Variants in SULF1 observed in about 807,000 individuals in gnomAD.
The protein encoded by SULF1 is extracellular sulfatase Sulf-1.
Under a neutral mutation model 110.5 loss-of-function variants are expected in SULF1, and 46 were observed. The ratio of observed to expected loss-of-function variants is 0.42; its 90% confidence interval spans 0.33 to 0.53. The LOEUF (loss-of-function observed/expected upper bound fraction) is 0.53, where lower values mean the gene tolerates loss of function less well. SULF1 is among the 20% of genes least tolerant of loss of function. SULF1 has a pLI of 0.12. For missense variants in SULF1, 941 were observed against 1,094.2 expected, an observed-to-expected ratio of 0.86 and a Z score of 1.98; for synonymous variants, 371 against 387.1, an observed-to-expected ratio of 0.96 and a Z score of 0.49.
intron 5 of SULF1, among the ~76,000 whole-genome samples, chr8:69,572,686 C>T (rs761316850): frequency 1.3e-4 from 20 of 152,154 alleles, no homozygotes; most frequent in African/African-American, 4.3e-4. Flanking sequence ...AATTCTCAGG[C>T]CCCATCCTGG....
Position 69,586,317 on chromosome 8 carries a change from C to G in SULF1, c.413-40C>G, listed in dbSNP as rs74515192. 2.6e-3 allele frequency: 3,979 copies of G among 1,523,358 alleles called. 77 individuals are homozygous for G. The African/African-American group carries it at 0.05, about 19-fold the overall frequency. 94.4% of individuals were successfully genotyped at this position (1,523,358 alleles called of 1,614,324 possible). On this transcript the variant is annotated intron_variant, in intron 6 of 22. Transcript: ENST00000402687. Reference sequence around the variant, plus strand: ...ACTTATCCATTTATTTATGATTAATCATTTTACGTGAAAAAAATAATTCTT... The same window carrying G: ...ACTTATCCATTTATTTATGATTAATGATTTTACGTGAAAAAAATAATTCTT...
chr8:69,648,150 A>C (rs939339972), intron 22 of SULF1, among the ~76,000 whole-genome samples: 1 of 151,318 alleles, frequency 6.6e-6, no homozygotes, highest in South Asian at 2.1e-4. Context: ...AAAAAAAAAA[A>C]AAACAAAGAG....
chr8:69,605,094 G>A lies in SULF1; in HGVS notation c.1377+162G>A, dbSNP rs557925733. ...GACACCTCTCCGCGGACAGAATTAC[G>A]TAACTGGTTCAGGCTGGGCCTCCCC... On this transcript the variant is annotated intron_variant, in intron 13 of 22. Transcript: ENST00000402687. Among the ~76,000 whole-genome samples the A allele has an allele frequency of 7.9e-5, 12 of 152,318 alleles. No homozygotes were observed. The South Asian group carries it at 8.3e-4, about 11-fold the overall frequency.
intron 3 of SULF1, among the ~76,000 whole-genome samples, chr8:69,526,611 A>AG (rs1554570777): frequency 0.016 from 2,229 of 135,984 alleles, 58 homozygotes; most frequent in African/African-American, 0.064. Flanking sequence ...AAAAAAAAAA[A>AG]AAAGAAAGAA....
chr8:69,478,135 A>T (rs1460350595), intron 1 of SULF1, among the ~76,000 whole-genome samples: 1 of 152,170 alleles, frequency 6.6e-6, no homozygotes, highest in East Asian at 1.9e-4. Context: ...TTACAGGTGC[A>T]AGCCACTGTA....
At chr8:69,586,865 A>T (rs1806504582) in intron 7 of SULF1, among the ~76,000 whole-genome samples, 2 of 152,202 alleles carry the variant, frequency 1.3e-5, no homozygotes, top group Admixed American at 1.3e-4. Context: ...TTTACTTTTC[A>T]CTGGGACAAA....
intron 6 of SULF1, among the ~76,000 whole-genome samples, chr8:69,577,787 C>T (rs957507332): frequency 2.6e-5 from 4 of 152,156 alleles, no homozygotes; most frequent in African/African-American, 9.7e-5. Flanking sequence ...AACCGAGACT[C>T]AGAAAGGCTA....
chr8:69,544,558 C>G (rs891208773), intron 3 of SULF1, among the ~76,000 whole-genome samples: 1 of 152,206 alleles, frequency 6.6e-6, no homozygotes, highest in African/African-American at 2.4e-5. Context: ...TGAGCCACCA[C>G]ACCTGGCCCA....
At chr8:69,533,514 T>C (rs988437731) in intron 3 of SULF1, among the ~76,000 whole-genome samples, 8 of 152,322 alleles carry the variant, frequency 5.3e-5, no homozygotes, top group African/African-American at 1.9e-4. Flanking sequence ...TTTGGTTTTC[T>C]GTTCCTGCAT....
At chr8:69,582,008 G>T (rs772468461) in intron 6 of SULF1, among the ~76,000 whole-genome samples, 6 of 152,106 alleles carry the variant, frequency 3.9e-5, no homozygotes, top group South Asian at 2.1e-4. Flanking sequence ...AAATAACAAG[G>T]ACTATTAAAA....
chr8:69,571,458 T>C (rs138931076), intron 5 of SULF1, among the ~76,000 whole-genome samples: 16 of 152,210 alleles, frequency 1.1e-4, no homozygotes, highest in Admixed American at 3.9e-4. Context: ...TCCCACATGT[T>C]CAAGTCTAGG....
Position 69,564,197 on chromosome 8 carries a change from C to A in SULF1, c.172+50C>A, listed in dbSNP as rs752829573. Reference sequence around the variant, plus strand: ...TTAGTCTCTTTTGTTCAGATGATTTCTCGAGTCTCAGGATTATCAGGAGAC... The same window carrying A: ...TTAGTCTCTTTTGTTCAGATGATTTATCGAGTCTCAGGATTATCAGGAGAC... On this transcript the variant is annotated intron_variant, in intron 5 of 22. Coordinates refer to ENST00000402687, the MANE Select transcript of SULF1 (RefSeq NM_001128205.2). The A allele has an allele frequency of 3.1e-6, 5 of 1,597,914 alleles. No individual in the cohort carries two copies. The Admixed American group carries it at 8.4e-5, about 27-fold the overall frequency.
chr8:69,655,137 G>A (rs115508160), intron 22 of SULF1, among the ~76,000 whole-genome samples: 7 of 152,328 alleles, frequency 4.6e-5, no homozygotes, highest in African/African-American at 1.7e-4. Flanking sequence ...CGGGGCTACT[G>A]GCATTGGTTG....
intron 6 of SULF1, among the ~76,000 whole-genome samples, chr8:69,585,716 G>A (rs769465744): frequency 2.0e-5 from 3 of 152,052 alleles, no homozygotes; most frequent in Admixed American, 2.0e-4. Context: ...ACTCTATGTT[G>A]ACAGAATTTT....
chr8:69,483,431 ACT>A (rs10568448), intron 1 of SULF1, among the ~76,000 whole-genome samples: 2,406 of 152,254 alleles, frequency 0.016, 72 homozygotes, highest in African/African-American at 0.054. Context: ...TGTGAAGGTT[ACT>A]TATACCATTA....
chr8:69,610,745 G>C (rs1430135781), intron 13 of SULF1, among the ~76,000 whole-genome samples: 1 of 152,190 alleles, frequency 6.6e-6, no homozygotes, highest in African/African-American at 2.4e-5. Context: ...GTATAATACA[G>C]CCCCATTCTG....
In SULF1 at chr8:69,627,877, T is replaced by C; in HGVS notation, c.2042+11T>C. 6.3e-7 allele frequency: 1 copy of C among 1,598,352 alleles called. No homozygotes were observed. On this transcript the variant is annotated intron_variant, in intron 17 of 22. Transcript: ENST00000402687. ...CTGCAGTAAACAAAGGTGAGCTTGT[T>C]TCCATCCATGCTCCACTTTCCAAAT...
intron 5 of SULF1, among the ~76,000 whole-genome samples, chr8:69,564,659 C>T (rs899393038): frequency 5.3e-5 from 8 of 152,230 alleles, no homozygotes; most frequent in Non-Finnish European, 1.2e-4. Flanking sequence ...CCACTTACTA[C>T]TACCTTAGAT....
intron 22 of SULF1, among the ~76,000 whole-genome samples, chr8:69,646,938 ATTTTTTTTTTT>A (rs532105097): frequency 0.014 from 1,360 of 97,804 alleles, 28 homozygotes; most frequent in African/African-American, 0.049. Context: ...GAGCCCTGGA[ATTTTTTTTTTT>A]TTTTTTTTTT....
Sources: gnomAD v4.1 joint callset for allele counts (sites outside exome capture counted in the v4.1 genomes callset) on GRCh38, gnomAD v4.1.1 for gene constraint, MANE v1.5 for transcripts, NCBI Gene and HGNC (gene_info 2026-07-23, HGNC 2026-07-21) for gene names.